Variants in GLIS3 observed in about 807,000 individuals in gnomAD.
GLIS3 encodes zinc finger protein GLIS3.
In GLIS3, 53 loss-of-function variants were observed where a neutral mutation model predicts 78.6. The observed-to-expected ratio is 0.67, with a 90% CI of 0.54 to 0.85. The LOEUF (loss-of-function observed/expected upper bound fraction) is 0.85. GLIS3 is among the 40% of genes least tolerant of loss of function. The pLI is 0.00. For missense variants in GLIS3, 1,703 were observed against 1,231.1 expected (o/e 1.38, Z -5.74); for synonymous variants, 684 against 509.9 (o/e 1.34, Z -4.60).
At chr9:4,157,856 T>C (rs1296531752) in intron 2 of GLIS3, among the ~76,000 whole-genome samples, 9 of 152,226 alleles carry the variant, frequency 5.9e-5, no homozygotes, top group Admixed American at 5.2e-4. Flanking sequence ...AGTTTAGCTA[T>C]TGCTTTCATG....
chr9:3,968,907 T>C (rs952316943), intron 4 of GLIS3, among the ~76,000 whole-genome samples: 1 of 152,226 alleles, frequency 6.6e-6, no homozygotes, highest in African/African-American at 2.4e-5. Flanking sequence ...AAGATCTAAC[T>C]ATAAGTGAGT....
At chr9:3,887,172 C>G (rs1822136855) in intron 7 of GLIS3, among the ~76,000 whole-genome samples, 1 of 152,118 alleles carries the variant, frequency 6.6e-6, no homozygotes, top group South Asian at 2.1e-4. Context: ...TATCCAGCAG[C>G]CCTGATAAGA....
At chr9:4,333,906 G>A (rs1449124792) in intron 2 of GLIS3, among the ~76,000 whole-genome samples, 1 of 152,154 alleles carries the variant, frequency 6.6e-6, no homozygotes, top group Non-Finnish European at 1.5e-5. Context: ...TTTGCATTGG[G>A]AATTTCTTGG....
the GLIS3 span, among the ~76,000 whole-genome samples, chr9:4,383,789 T>C: frequency 2.0e-5 from 3 of 152,226 alleles, no homozygotes; most frequent in Non-Finnish European, 4.4e-5. Flanking sequence ...TTTGTGTTGA[T>C]TGACCACAAA....
At chr9:4,253,267 A>G (rs1426197916) in intron 2 of GLIS3, among the ~76,000 whole-genome samples, 3 of 152,224 alleles carry the variant, frequency 2.0e-5, no homozygotes, top group African/African-American at 7.2e-5. Flanking sequence ...TTTATCTACA[A>G]GCCCCTGACT....
intron 2 of GLIS3, among the ~76,000 whole-genome samples, chr9:4,190,718 G>C (rs978317453): frequency 5.3e-5 from 8 of 152,168 alleles, no homozygotes; most frequent in South Asian, 4.2e-4. Flanking sequence ...GCAACTCCAA[G>C]ACACATAATT....
chr9:4,252,978 T>C (rs1425153685), intron 2 of GLIS3, among the ~76,000 whole-genome samples: 2 of 152,204 alleles, frequency 1.3e-5, no homozygotes. Flanking sequence ...TGATCCTTCC[T>C]CTGGAAGCTT....
At chr9:4,174,371 A>AT (rs1816640740) in intron 2 of GLIS3, among the ~76,000 whole-genome samples, 1 of 152,282 alleles carries the variant, frequency 6.6e-6, no homozygotes, top group Admixed American at 6.5e-5. Context: ...CAATTCACCG[A>AT]TTTTTTAAAA....
At chr9:4,445,823 G>C in the GLIS3 span, among the ~76,000 whole-genome samples, 1 of 152,130 alleles carries the variant, frequency 6.6e-6, no homozygotes, top group Non-Finnish European at 1.5e-5. Flanking sequence ...AAAAAGAGAT[G>C]CTGGCTGCCA....
chr9:4,399,808 T>G, the GLIS3 span, among the ~76,000 whole-genome samples: 1 of 152,198 alleles, frequency 6.6e-6, no homozygotes, highest in East Asian at 1.9e-4. Context: ...TAACCCAGCC[T>G]TGGGCATGAG....
the GLIS3 span, among the ~76,000 whole-genome samples, chr9:4,397,080 C>T: frequency 3.7e-5 from 5 of 135,536 alleles, no homozygotes; most frequent in East Asian, 2.1e-4. Flanking sequence ...GGCTGGAGTG[C>T]AGTGGCGCGA....
chr9:4,458,975 G>A, the GLIS3 span, among the ~76,000 whole-genome samples: 1 of 152,106 alleles, frequency 6.6e-6, no homozygotes, highest in Non-Finnish European at 1.5e-5. Context: ...AGGTAGCGAT[G>A]GCCTTACCAC....
intron 6 of GLIS3, among the ~76,000 whole-genome samples, chr9:3,923,045 G>C (rs765315370): frequency 6.6e-6 from 1 of 152,148 alleles, no homozygotes; most frequent in African/African-American, 2.4e-5. Flanking sequence ...ATAGCATTTT[G>C]GAAAAGACTG....
the GLIS3 span, among the ~76,000 whole-genome samples, chr9:4,417,141 G>A: frequency 1.3e-5 from 2 of 152,102 alleles, no homozygotes; most frequent in African/African-American, 2.4e-5. Context: ...ATAACAAATA[G>A]TCGATGACCA....
chr9:4,465,232 A>T, the GLIS3 span, among the ~76,000 whole-genome samples: 4 of 152,226 alleles, frequency 2.6e-5, no homozygotes, highest in Admixed American at 6.5e-5. Flanking sequence ...TACATATAAC[A>T]TTGCATACAT....
At chr9:4,029,813 T>C (rs1191596732) in intron 4 of GLIS3, among the ~76,000 whole-genome samples, 1 of 152,198 alleles carries the variant, frequency 6.6e-6, no homozygotes, top group African/African-American at 2.4e-5. Context: ...ACATTGTGTA[T>C]ATATACCACA....
At chr9:4,217,964 A>G (rs914226213) in intron 2 of GLIS3, among the ~76,000 whole-genome samples, 5 of 152,224 alleles carry the variant, frequency 3.3e-5, no homozygotes, top group African/African-American at 1.2e-4. Context: ...GTGAGATTGA[A>G]AAGCTCATCA....
intron 4 of GLIS3, among the ~76,000 whole-genome samples, chr9:4,111,863 A>G (rs1831240674): frequency 6.6e-6 from 1 of 152,252 alleles, no homozygotes; most frequent in Non-Finnish European, 1.5e-5. Flanking sequence ...GTGGTGTTTC[A>G]GCCTCAAGAG....
intron 4 of GLIS3, among the ~76,000 whole-genome samples, chr9:4,064,147 A>C (rs1278974565): frequency 6.6e-6 from 1 of 152,016 alleles, no homozygotes; most frequent in Non-Finnish European, 1.5e-5. Context: ...CAATAGGAAA[A>C]TGATAGACCG....
Sources: allele counts gnomAD v4.1 joint callset (sites outside exome capture counted in the v4.1 genomes callset), GRCh38; gene constraint gnomAD v4.1.1; transcripts MANE v1.5; gene names NCBI Gene and HGNC (gene_info 2026-07-23, HGNC 2026-07-21).